POU2AF3: variants seen among roughly 807,000 people sequenced by gnomAD.
POU2AF3 encodes cancer susceptibility candidate 13.
chr11:111,302,673 G>A, the POU2AF3 span, among the ~76,000 whole-genome samples: 1 of 152,218 alleles, frequency 6.6e-6, no homozygotes, highest in Admixed American at 6.5e-5. Context: ...CTGAACCAGT[G>A]TCTTATAGGA....
At chr11:111,299,573 C>T in the POU2AF3 span, 1 of 1,214,102 alleles carries the variant, frequency 8.2e-7, no homozygotes, top group Admixed American at 4.3e-5. Context: ...CGGGCCCCGC[C>T]AGCCCCGGGG....
chr11:111,307,645 C>T, the POU2AF3 span, among the ~76,000 whole-genome samples: 1 of 152,214 alleles, frequency 6.6e-6, no homozygotes, highest in Non-Finnish European at 1.5e-5. Flanking sequence ...CCTTGAAGAT[C>T]CAAGTTATGC....
chr11:111,305,192 C>G, the POU2AF3 span: 16 of 393,338 alleles, frequency 4.1e-5, no homozygotes, highest in Admixed American at 4.4e-4. Context: ...ATTCTCTACT[C>G]TCTGCTATAT....
chr11:111,298,826 G>GGGGGGGGGCCCCCC, the POU2AF3 span: 4 of 790,956 alleles, frequency 5.1e-6, no homozygotes, highest in Non-Finnish European at 5.1e-6. Context: ...CGTACCCCAG[G>GGGGGGGGGCCCCCC]CCCCCGCCCG....
the POU2AF3 span, among the ~76,000 whole-genome samples, chr11:111,301,403 G>A: frequency 6.6e-6 from 1 of 152,228 alleles, no homozygotes; most frequent in African/African-American, 2.4e-5. Context: ...TGGTTTGGGT[G>A]TGAACATAGG....
chr11:111,308,260 C>A, the POU2AF3 span: 1 of 1,551,814 alleles, frequency 6.4e-7, no homozygotes, highest in Non-Finnish European at 8.7e-7. Context: ...ACAGCTGCTT[C>A]TCCTCGGCCA....
the POU2AF3 span, chr11:111,304,950 A>T: frequency 3.2e-6 from 4 of 1,233,052 alleles, no homozygotes; most frequent in Non-Finnish European, 4.0e-6. Flanking sequence ...AGCAGTGTCC[A>T]CCTTTCAGAC....
At chr11:111,306,704 G>A in the POU2AF3 span, 1 of 1,043,648 alleles carries the variant, frequency 9.6e-7, no homozygotes, top group Non-Finnish European at 1.4e-6. Context: ...ACCATCCCGT[G>A]GGAAATCATA....
chr11:111,302,389 C>A, the POU2AF3 span, among the ~76,000 whole-genome samples: 1 of 152,170 alleles, frequency 6.6e-6, no homozygotes, highest in East Asian at 1.9e-4. Context: ...ATCATCAAGA[C>A]TTTCATAATA....
chr11:111,304,492 C>A, the POU2AF3 span, among the ~76,000 whole-genome samples: 3 of 151,956 alleles, frequency 2.0e-5, no homozygotes, highest in African/African-American at 7.2e-5. Flanking sequence ...AAAAACTCCC[C>A]AAGCAAGCAA....
chr11:111,308,121 G>T, the POU2AF3 span: 1 of 1,547,558 alleles, frequency 6.5e-7, no homozygotes, highest in South Asian at 1.2e-5. Context: ...TTAGACTACA[G>T]TTACTCGCCA....
At chr11:111,299,759 C>CG in the POU2AF3 span, 2 of 1,217,560 alleles carry the variant, frequency 1.6e-6, no homozygotes, top group Non-Finnish European at 2.1e-6. Flanking sequence ...AGAGTAGGAG[C>CG]GGGGGCGAAG....
the POU2AF3 span, chr11:111,298,871 C>T: frequency 1.8e-6 from 2 of 1,100,448 alleles, no homozygotes; most frequent in Non-Finnish European, 2.2e-6. Flanking sequence ...TCCTGAGACA[C>T]GCGGTGCGGA....
the POU2AF3 span, chr11:111,298,826 G>GGGGGGGGGCGC: frequency 5.1e-6 from 4 of 790,958 alleles, no homozygotes; most frequent in South Asian, 6.7e-5. Flanking sequence ...CGTACCCCAG[G>GGGGGGGGGCGC]CCCCCGCCCG....
chr11:111,299,842 A>T, the POU2AF3 span: 3 of 736,718 alleles, frequency 4.1e-6, no homozygotes, highest in Non-Finnish European at 5.6e-6. Flanking sequence ...GAAGGCAAAG[A>T]CAGAAGGGAG....
chr11:111,304,277 G>T, the POU2AF3 span, among the ~76,000 whole-genome samples: 1 of 151,814 alleles, frequency 6.6e-6, no homozygotes, highest in African/African-American at 2.4e-5. Flanking sequence ...TGAAATTTTT[G>T]AGAAAAATAA....
chr11:111,307,726 A>G, the POU2AF3 span, among the ~76,000 whole-genome samples: 1 of 152,204 alleles, frequency 6.6e-6, no homozygotes, highest in African/African-American at 2.4e-5. Context: ...TACAGCTTAG[A>G]TTGTGGCATA....
At chr11:111,299,478 C>A in the POU2AF3 span, 7 of 1,103,862 alleles carry the variant, frequency 6.3e-6, no homozygotes, top group Non-Finnish European at 7.7e-6. Context: ...GCTGAGGCTG[C>A]CCCTGCTCCC....
the POU2AF3 span, chr11:111,299,674 C>T: frequency 2.9e-5 from 36 of 1,231,052 alleles, no homozygotes; most frequent in Non-Finnish European, 3.5e-5. Context: ...GCGGACTCGC[C>T]CCGGAGCCTC....
Sources: gnomAD v4.1 joint callset for allele counts (sites outside exome capture counted in the v4.1 genomes callset) on GRCh38, gnomAD v4.1.1 for gene constraint, MANE v1.5 for transcripts, NCBI Gene and HGNC (gene_info 2026-07-23, HGNC 2026-07-21) for gene names.